Variants in PEPD observed in about 807,000 individuals in gnomAD.
The protein encoded by PEPD is peptidase D.
A neutral mutation model predicts 60.7 loss-of-function variants in PEPD; 53 were observed. The ratio of observed to expected loss-of-function variants is 0.87; its 90% CI spans 0.70 to 1.10. The LOEUF is 1.10. Among genes scored for constraint, PEPD ranks in the 50% least tolerant of loss-of-function variants. The pLI is 0.00. For missense variants in PEPD, 711 were observed against 711.9 expected, an observed-to-expected ratio of 1.00 and a Z score of 0.01; for synonymous variants, 267 against 284.1, an observed-to-expected ratio of 0.94 and a Z score of 0.60.
Position 33,507,877 on chromosome 19 carries a change from G to A in PEPD, c.329+3151C>T, listed in dbSNP as rs550302284. On this transcript the variant is annotated intron_variant, in intron 3 of 14. Coordinates refer to ENST00000244137, the MANE Select transcript of PEPD (RefSeq NM_000285.4). ...CAGGGTCACTCCAGGACAGTGGAACGGAGAGGCCTGCTCGGGGTGGCTGTG... is the reference window on the plus strand; with the variant it reads ...CAGGGTCACTCCAGGACAGTGGAACAGAGAGGCCTGCTCGGGGTGGCTGTG... Among the ~76,000 whole-genome samples the A allele has an allele frequency of 1.8e-4, 27 of 152,266 alleles. 1 individual carries two copies. In the South Asian group the frequency reaches 3.7e-3, roughly 21 times the overall value.
chr19:33,506,594 C>T (rs965612302), intron 3 of PEPD, among the ~76,000 whole-genome samples: 31 of 148,212 alleles, frequency 2.1e-4, no homozygotes, highest in African/African-American at 7.2e-4. Context: ...ACACTCCCAT[C>T]ACAAACACCC....
intron 9 of PEPD, among the ~76,000 whole-genome samples, chr19:33,459,811 A>G (rs1969893744): frequency 6.6e-6 from 1 of 151,886 alleles, no homozygotes; most frequent in Non-Finnish European, 1.5e-5. Flanking sequence ...CTTCGAGAAA[A>G]CCAGCCCTGA....
chr19:33,455,857 C>CAT (rs796386485), intron 9 of PEPD, among the ~76,000 whole-genome samples: 8 of 152,112 alleles, frequency 5.3e-5, no homozygotes, highest in African/African-American at 1.9e-4. Context: ...GAGGAAAATC[C>CAT]ATAAAGATGT....
Position 33,413,580 on chromosome 19 carries a change from G to A in PEPD, c.735C>T (p.Cys245=), listed in dbSNP as rs199612179. Residue 245 remains cysteine, a synonymous_variant, in exon 10 of 15, where the codon TGC becomes TGT. Coordinates refer to ENST00000244137, the MANE Select transcript of PEPD (RefSeq NM_000285.4). ...AGCCAGGGTGCCCCGCTTACCTGCC[G>A]CAGATGCAGGTGTAGGAGCTGTGGC... ...GMRHSSYTCI[C]GSGENSAVLH... The A allele has an allele frequency of 3.4e-5, 54 of 1,565,296 alleles. No individual in the cohort carries two copies. Among genetic ancestry groups the A allele is most frequent in the Non-Finnish European group, 4.1e-5 (47 of 1,150,956 alleles).
At chr19:33,432,010 A>AAAAAAAAAAAAG (rs1031542443) in intron 9 of PEPD, among the ~76,000 whole-genome samples, 18 of 147,504 alleles carry the variant, frequency 1.2e-4, no homozygotes, top group African/African-American at 3.8e-4. Flanking sequence ...AAAAAAAAAA[A>AAAAAAAAAAAAG]GGGAAGATTA....
At chr19:33,407,513 A>G (rs1327255404) in intron 11 of PEPD, among the ~76,000 whole-genome samples, 1 of 152,102 alleles carries the variant, frequency 6.6e-6, no homozygotes, top group Admixed American at 6.5e-5. Context: ...GGCTGGAGTG[A>G]GTGGGGAGGG....
intron 1 of PEPD, among the ~76,000 whole-genome samples, chr19:33,515,700 C>T (rs1453220639): frequency 1.3e-5 from 2 of 151,596 alleles, no homozygotes; most frequent in Non-Finnish European, 2.9e-5. Context: ...CCACAGTCGT[C>T]GAATAGCATG....
At chr19:33,425,109 C>G (rs1315070765) in intron 9 of PEPD, among the ~76,000 whole-genome samples, 1 of 152,170 alleles carries the variant, frequency 6.6e-6, no homozygotes, top group Non-Finnish European at 1.5e-5. Context: ...GTGGCTCACA[C>G]CTGTAATCCC....
chr19:33,388,147 A>G, intron 13 of PEPD, 66 bp from the exon 14 acceptor site: 1 of 1,357,912 alleles, frequency 7.4e-7, no homozygotes, highest in Non-Finnish European at 1.0e-6. Context: ...TCATCAGGAG[A>G]GATGGGCATG....
At chr19:33,451,232 G>A (rs977357628) in intron 9 of PEPD, among the ~76,000 whole-genome samples, 3 of 152,264 alleles carry the variant, frequency 2.0e-5, no homozygotes, top group South Asian at 4.1e-4. Flanking sequence ...AAGAACCCTC[G>A]TGGGATAAGC....
chr19:33,487,630 G>A (rs769155977), intron 6 of PEPD, among the ~76,000 whole-genome samples: 60 of 152,338 alleles, frequency 3.9e-4, no homozygotes, highest in Middle Eastern at 6.8e-3. Context: ...CCCCAGCTGA[G>A]GGGCCGGGTG....
In PEPD at chr19:33,411,700, C is replaced by G. The variant is rs760037246; in HGVS notation, c.790G>C (p.Asp264His). Residue 264 changes from aspartate to histidine, a missense_variant, in exon 11 of 15, where the codon GAC (aspartate) becomes CAC (histidine). Asp to His is a moderately conservative substitution (Grantham distance 81). Transcript: ENST00000244137. ...LHYGHAGAPN[D>H]RTIQNGDMCL... ...ATATCCCCATTCTGGATCGTTCGGT[C>G]GTTGGGAGCTCCGGCGTGTCCGTAG... is the stretch of plus-strand genomic sequence containing the variant. The G allele has an allele frequency of 1.9e-6, 3 of 1,610,396 alleles. No individual in the cohort carries two copies. In the South Asian group the frequency reaches 3.3e-5, roughly 18 times the overall value.
At chr19:33,411,970 G>A (rs574187517) in intron 10 of PEPD, among the ~76,000 whole-genome samples, 88 of 152,366 alleles carry the variant, frequency 5.8e-4, no homozygotes, top group African/African-American at 2.1e-3. Flanking sequence ...TCAGTCTGCA[G>A]GCAGAGCCTC....
intron 9 of PEPD, among the ~76,000 whole-genome samples, chr19:33,434,836 C>G (rs147688646): frequency 6.3e-4 from 96 of 151,938 alleles, no homozygotes; most frequent in African/African-American, 2.3e-3. Context: ...CACATACGGT[C>G]CAGCCCTCCT....
At chr19:33,489,584 G>A (rs1054576683) in intron 6 of PEPD, among the ~76,000 whole-genome samples, 5 of 151,756 alleles carry the variant, frequency 3.3e-5, no homozygotes, top group Admixed American at 1.3e-4. Context: ...AGCCAAGATC[G>A]GGCCATTGCA....
chr19:33,443,657 GC>G (rs769218244), intron 9 of PEPD, among the ~76,000 whole-genome samples: 16 of 151,886 alleles, frequency 1.1e-4, no homozygotes, highest in Non-Finnish European at 1.5e-4. Context: ...ATAAAGAAAA[GC>G]CTTTTAAACT....
intron 2 of PEPD, 122 bp from the exon 3 acceptor site, chr19:33,511,277 A>T (rs1970921874): frequency 2.1e-6 from 2 of 953,192 alleles, no homozygotes; most frequent in Admixed American, 1.9e-5. Flanking sequence ...AACTGACCCC[A>T]GCCCCAGACA....
intron 5 of PEPD, among the ~76,000 whole-genome samples, chr19:33,492,186 G>A (rs1162752968): frequency 6.6e-6 from 1 of 151,912 alleles, no homozygotes; most frequent in African/African-American, 2.4e-5. Flanking sequence ...TTCTTTGGGG[G>A]CACACCACAG....
intron 1 of PEPD, among the ~76,000 whole-genome samples, chr19:33,515,061 G>A (rs900709144): frequency 7.2e-5 from 11 of 152,188 alleles, no homozygotes; most frequent in Admixed American, 1.3e-4. Context: ...TCTCCGGCCC[G>A]CCGCCTCGGG....
Sources: allele counts gnomAD v4.1 joint callset (sites outside exome capture counted in the v4.1 genomes callset), GRCh38; gene constraint gnomAD v4.1.1; transcripts MANE v1.5; gene names NCBI Gene and HGNC (gene_info 2026-07-23, HGNC 2026-07-21).